SLC35F3: variants seen among roughly 807,000 people sequenced by gnomAD.
The protein encoded by SLC35F3 is putative thiamine transporter SLC35F3.
Under a neutral mutation model 49.9 loss-of-function variants are expected in SLC35F3, and 25 were observed. The ratio of observed to expected loss-of-function variants is 0.50; its 90% confidence interval spans 0.37 to 0.70. The LOEUF is 0.70. SLC35F3 is among the 30% of genes least tolerant of loss of function. The pLI, the probability that SLC35F3 is intolerant of heterozygous loss-of-function variation, is 0.00. For missense variants in SLC35F3, 525 were observed against 639.8 expected (o/e 0.82, Z 1.94); for synonymous variants, 275 against 265.4 (o/e 1.04, Z -0.35).
chr1:234,250,900 G>A (rs552095542), intron 3 of SLC35F3, among the ~76,000 whole-genome samples: 3 of 152,236 alleles, frequency 2.0e-5, no homozygotes, highest in Non-Finnish European at 2.9e-5. Context: ...ACTGCACCAA[G>A]CCATTCAGGA....
intron 2 of SLC35F3, among the ~76,000 whole-genome samples, chr1:234,152,009 T>A (rs906494954): frequency 5.9e-5 from 9 of 152,108 alleles, no homozygotes; most frequent in Admixed American, 2.6e-4. Flanking sequence ...ATCATTTCAT[T>A]TCATTTTAAC....
chr1:234,050,930 C>G (rs1161703215), intron 2 of SLC35F3, among the ~76,000 whole-genome samples: 1 of 152,126 alleles, frequency 6.6e-6, no homozygotes, highest in Non-Finnish European at 1.5e-5. Flanking sequence ...TCAGGTTTGT[C>G]AAAGATCACA....
chr1:234,286,197 C>T (rs554833336), intron 3 of SLC35F3, among the ~76,000 whole-genome samples: 40 of 152,278 alleles, frequency 2.6e-4, no homozygotes, highest in Non-Finnish European at 4.3e-4. Flanking sequence ...AATTAACTTT[C>T]TCAAGATCTC....
intron 2 of SLC35F3, chr1:234,212,686 G>T (rs1039261990): frequency 6.6e-6 from 1 of 152,142 alleles, no homozygotes; most frequent in African/African-American, 2.4e-5. Flanking sequence ...GCTTAAAAAC[G>T]TGTGCAATTA....
chr1:233,909,695 G>A (rs1661842850), intron 2 of SLC35F3, among the ~76,000 whole-genome samples: 1 of 152,178 alleles, frequency 6.6e-6, no homozygotes, highest in Non-Finnish European at 1.5e-5. Flanking sequence ...GTTGTAGGGA[G>A]CTGTCATGTA....
At chr1:234,204,547 C>G (rs1276021984) in intron 2 of SLC35F3, among the ~76,000 whole-genome samples, 1 of 152,172 alleles carries the variant, frequency 6.6e-6, no homozygotes, top group Non-Finnish European at 1.5e-5. Flanking sequence ...GAGGAGCTCA[C>G]CTTTGTCCTA....
intron 2 of SLC35F3, among the ~76,000 whole-genome samples, chr1:234,099,618 A>C (rs529236406): frequency 1.6e-4 from 24 of 150,478 alleles, no homozygotes; most frequent in African/African-American, 5.0e-4. Context: ...AAAAAAAAAA[A>C]AAAAAAAAAC....
intron 3 of SLC35F3, among the ~76,000 whole-genome samples, chr1:234,278,009 C>A (rs773233085): frequency 6.6e-6 from 1 of 152,080 alleles, no homozygotes; most frequent in Non-Finnish European, 1.5e-5. Context: ...GCCTGGGCAA[C>A]ATGGTGAAAC....
At chr1:233,930,155 G>A (rs200149409) in intron 2 of SLC35F3, among the ~76,000 whole-genome samples, 100 of 145,824 alleles carry the variant, frequency 6.9e-4, no homozygotes, top group East Asian at 8.1e-4. Context: ...TTTCTTAAAA[G>A]AAAAAAAAAA....
chr1:234,054,227 G>A (rs1664423045), intron 2 of SLC35F3, among the ~76,000 whole-genome samples: 1 of 152,190 alleles, frequency 6.6e-6, no homozygotes, highest in Non-Finnish European at 1.5e-5. Flanking sequence ...ATAATATCCT[G>A]CAAAGTGTTT....
chr1:234,197,847 CA>C (rs1167395923), intron 2 of SLC35F3, among the ~76,000 whole-genome samples: 1 of 152,230 alleles, frequency 6.6e-6, no homozygotes, highest in Non-Finnish European at 1.5e-5. Flanking sequence ...AGCATGTTTG[CA>C]GCAATAACAC....
At chr1:234,011,142 T>G (rs1663714319) in intron 2 of SLC35F3, among the ~76,000 whole-genome samples, 1 of 152,196 alleles carries the variant, frequency 6.6e-6, no homozygotes, top group Non-Finnish European at 1.5e-5. Flanking sequence ...TGAGCTACTA[T>G]ACATTTATGA....
intron 1 of SLC35F3, 87 bp downstream of exon 1, chr1:233,905,217 C>T (rs2102778468): frequency 1.4e-6 from 2 of 1,413,896 alleles, no homozygotes; most frequent in South Asian, 2.5e-5. Flanking sequence ...GGACACTGGG[C>T]AGTCTGAGGC....
At chr1:234,130,905 C>T (rs1665725825) in intron 2 of SLC35F3, among the ~76,000 whole-genome samples, 5 of 150,940 alleles carry the variant, frequency 3.3e-5, no homozygotes, top group Middle Eastern at 3.4e-3. Flanking sequence ...AACGTGGAAG[C>T]AACCAAACTG....
At chr1:234,199,283 G>A (rs115349777) in intron 2 of SLC35F3, among the ~76,000 whole-genome samples, 48 of 152,190 alleles carry the variant, frequency 3.2e-4, no homozygotes, top group African/African-American at 9.6e-4. Flanking sequence ...CTGGCATGAC[G>A]ACAGACACAT....
rs576391066 is a variant in SLC35F3, at chr1:234,019,292, A to G, written c.283+113534A>G. On this transcript the variant is annotated intron_variant, in intron 2 of 7. Transcript: ENST00000366618. ...GGGGTGAGGTCTGAGGTCACTCCCT[A>G]TATTAGTCTGGTTCTCCAGAAAACA... Among the ~76,000 whole-genome samples the G allele has an allele frequency of 5.9e-5, 9 of 152,252 alleles. No homozygotes were observed. The South Asian group carries it at 1.2e-3, about 21-fold the overall frequency.
rs1395161931 is a variant in SLC35F3 at position 234,214,669 on chromosome 1, C to T, written c.284-16748C>T. 2.1e-6 allele frequency: 3 copies of T among 1,413,660 alleles called. No homozygotes were observed. In the African/African-American group the frequency reaches 4.5e-5, roughly 21 times the overall value. 87.6% of individuals were successfully genotyped at this position (1,413,660 alleles called of 1,614,324 possible). ...GCTGTCTGGCTGCGGGGCGCCGGGG[C>T]TGGGGGTACTGCTCCCCCAGGACGC... On this transcript the variant is annotated intron_variant, in intron 2 of 7. Coordinates refer to ENST00000366618, the MANE Select transcript of SLC35F3 (RefSeq NM_173508.4). This position sits in a 1 kb window ranked among gnomAD's most constrained non-coding sequence, Gnocchi z 8.0.
At chr1:234,052,028 T>C (rs1009204574) in intron 2 of SLC35F3, among the ~76,000 whole-genome samples, 1 of 152,248 alleles carries the variant, frequency 6.6e-6, no homozygotes, top group African/African-American at 2.4e-5. Flanking sequence ...GATGTGCTGC[T>C]GGATTCGGTT....
At chr1:234,001,042 A>G (rs1258883965) in intron 2 of SLC35F3, among the ~76,000 whole-genome samples, 1 of 152,180 alleles carries the variant, frequency 6.6e-6, no homozygotes, top group Non-Finnish European at 1.5e-5. Context: ...CAGCTTCTTG[A>G]AAAGAGAGTC....
Sources: allele counts gnomAD v4.1 joint callset (sites outside exome capture counted in the v4.1 genomes callset), GRCh38; gene constraint gnomAD v4.1.1; non-coding constraint Gnocchi (gnomAD v3.1); transcripts MANE v1.5; gene names NCBI Gene and HGNC (gene_info 2026-07-23, HGNC 2026-07-21).